Variants in RBFOX1 observed in about 807,000 individuals in gnomAD.
The protein encoded by RBFOX1 is RNA binding fox-1 homolog 1, also known as RNA binding protein fox-1 homolog 1.
Under a neutral mutation model 57.7 loss-of-function variants are expected in RBFOX1, and 8 were observed. The ratio of observed to expected loss-of-function variants is 0.14; its 90% CI spans 0.08 to 0.25. The LOEUF (loss-of-function observed/expected upper bound fraction) is 0.25. RBFOX1 is among the 10% of genes least tolerant of loss of function. RBFOX1 has a pLI of 1.00. For synonymous variants in RBFOX1, 326 were observed against 222.4 expected, an observed-to-expected ratio of 1.47 and a Z score of -4.15; for missense variants, 611 against 548.5, an observed-to-expected ratio of 1.11 and a Z score of -1.14.
chr16:7,065,605 T>C (rs973262075), intron 4 of RBFOX1, among the ~76,000 whole-genome samples: 1 of 152,162 alleles, frequency 6.6e-6, no homozygotes, highest in African/African-American at 2.4e-5. Flanking sequence ...AATGGCTAAA[T>C]TGAACTAATT....
chr16:5,791,427 T>C (rs2054692985), intron 3 of RBFOX1, among the ~76,000 whole-genome samples: 1 of 152,164 alleles, frequency 6.6e-6, no homozygotes, highest in African/African-American at 2.4e-5. Context: ...CTTACAGCAA[T>C]CCTAGGATCT....
At chr16:5,668,672 T>C (rs1363696351) in intron 3 of RBFOX1, among the ~76,000 whole-genome samples, 1 of 152,178 alleles carries the variant, frequency 6.6e-6, no homozygotes, top group Non-Finnish European at 1.5e-5. Context: ...TTCCTCTCCT[T>C]TCCCCTATCA....
intron 1 of RBFOX1, among the ~76,000 whole-genome samples, chr16:6,262,862 C>G (rs890264509): frequency 6.6e-6 from 1 of 152,100 alleles, no homozygotes. Flanking sequence ...CATCTCACAA[C>G]CCTCATGGAA....
At chr16:5,275,392 A>G (rs535694948) in intron 1 of RBFOX1, among the ~76,000 whole-genome samples, 12 of 152,352 alleles carry the variant, frequency 7.9e-5, no homozygotes, top group African/African-American at 2.6e-4. Flanking sequence ...TAGCAGTGCT[A>G]TACACCAACA....
chr16:5,599,472 A>G (rs2047295169), exon 3 of RBFOX1: 2 of 514,530 alleles, frequency 3.9e-6, no homozygotes, highest in African/African-American at 1.9e-5. Context: ...GTCACCCACG[A>G]ATAACAGTGG....
At chr16:5,259,425 C>T (rs1341474284) in intron 1 of RBFOX1, among the ~76,000 whole-genome samples, 1 of 152,184 alleles carries the variant, frequency 6.6e-6, no homozygotes, top group Non-Finnish European at 1.5e-5. Flanking sequence ...GTCTTTGGTG[C>T]TATTCTGCTG....
At chr16:5,846,686 G>T (rs1484665307) in intron 3 of RBFOX1, among the ~76,000 whole-genome samples, 2 of 152,122 alleles carry the variant, frequency 1.3e-5, no homozygotes, top group African/African-American at 4.8e-5. Context: ...ACTTCCAGCT[G>T]GTTCTTATTA....
rs1010988437 is a variant in RBFOX1, at chr16:5,835,018, G to A, written c.319-32285G>A. ...TCACCTTACCCCACTCACCATGGCC[G>A]TTTTTTAAGTCAGTAAACAATAGAT... is the stretch of plus-strand genomic sequence containing the variant. On this transcript the variant is annotated intron_variant, in intron 3 of 19. Coordinates refer to the RBFOX1 transcript ENST00000641259. Among the ~76,000 whole-genome samples the A allele has an allele frequency of 4.6e-5, 7 of 152,280 alleles. No homozygotes were observed. The East Asian group carries it at 1.2e-3, about 25-fold the overall frequency.
intron 3 of RBFOX1, among the ~76,000 whole-genome samples, chr16:5,628,625 A>AC (rs2048412571): frequency 6.6e-6 from 1 of 152,188 alleles, no homozygotes; most frequent in Admixed American, 6.5e-5. Context: ...GAGCGAAGAT[A>AC]CCCCAAGAAC....
In RBFOX1 at chr16:6,183,688, C is replaced by T. The variant is rs115806271; in HGVS notation, c.-126-133307C>T. 3.7e-3 allele frequency among the ~76,000 whole-genome samples: 565 copies of T among 152,010 alleles called. 5 individuals are homozygous for T. The highest frequency in any genetic ancestry group is 0.013 in the African/African-American group (535 of 41,470). On this transcript the variant is annotated intron_variant, in intron 1 of 15. Transcript: ENST00000550418. ...TAGAAGATCAGAAAGAAGGAACGGCCGGTGTAAAGACACCTGGCTGCAGAC... is the reference window on the plus strand; with the variant it reads ...TAGAAGATCAGAAAGAAGGAACGGCTGGTGTAAAGACACCTGGCTGCAGAC...
intron 4 of RBFOX1, chr16:7,126,542 T>C (rs1358168505): frequency 6.0e-5 from 13 of 218,336 alleles, no homozygotes; most frequent in Non-Finnish European, 1.3e-4. Flanking sequence ...AATGGCCTTG[T>C]CTTTGGGCAC....
intron 5 of RBFOX1, among the ~76,000 whole-genome samples, chr16:7,561,981 G>A (rs138958981): frequency 6.6e-6 from 1 of 151,936 alleles, no homozygotes; most frequent in Non-Finnish European, 1.5e-5. Context: ...GAGTGGGACA[G>A]GTAATTAAAG....
chr16:7,019,225 G>T (rs1018368778), intron 3 of RBFOX1, among the ~76,000 whole-genome samples: 2 of 152,008 alleles, frequency 1.3e-5, no homozygotes, highest in African/African-American at 4.8e-5. Flanking sequence ...AGGTGGTTTG[G>T]TGTGTTTGCC....
At chr16:5,713,863 C>T (rs937721601) in intron 3 of RBFOX1, among the ~76,000 whole-genome samples, 3 of 152,124 alleles carry the variant, frequency 2.0e-5, no homozygotes, top group African/African-American at 7.2e-5. Flanking sequence ...TCTGCAGTGA[C>T]CTTCTTGTTG....
intron 4 of RBFOX1, among the ~76,000 whole-genome samples, chr16:5,879,193 G>A (rs2057697326): frequency 1.3e-5 from 2 of 152,266 alleles, no homozygotes; most frequent in South Asian, 4.1e-4. Context: ...TTAGCTAATG[G>A]GGACTGACTG....
intron 4 of RBFOX1, among the ~76,000 whole-genome samples, chr16:7,373,563 C>G (rs1046318343): frequency 2.6e-5 from 4 of 152,128 alleles, no homozygotes; most frequent in African/African-American, 9.7e-5. Context: ...AGTGCCCGGG[C>G]AAGCCTTTAT....
intron 1 of RBFOX1, among the ~76,000 whole-genome samples, chr16:6,272,628 TAACAA>T (rs1291427238): frequency 6.6e-6 from 1 of 152,224 alleles, no homozygotes; most frequent in African/African-American, 2.4e-5. Flanking sequence ...TTAAAAAGCT[TAACAA>T]TTTTGTAAAT....
At chr16:7,396,768 C>T (rs924745027) in intron 4 of RBFOX1, among the ~76,000 whole-genome samples, 1 of 152,094 alleles carries the variant, frequency 6.6e-6, no homozygotes, top group Non-Finnish European at 1.5e-5. Context: ...TATGAAACTG[C>T]ATCTCTACTA....
intron 1 of RBFOX1, among the ~76,000 whole-genome samples, chr16:6,145,731 C>T (rs576495195): frequency 2.8e-4 from 43 of 151,964 alleles, no homozygotes; most frequent in Non-Finnish European, 5.6e-4. Flanking sequence ...TATTTAAAAC[C>T]TCAGGAGGAG....
Sources: gnomAD v4.1 joint callset for allele counts (sites outside exome capture counted in the v4.1 genomes callset) on GRCh38, gnomAD v4.1.1 for gene constraint, MANE v1.5 for transcripts, NCBI Gene and HGNC (gene_info 2026-07-23, HGNC 2026-07-21) for gene names.